DACH2: variants seen among roughly 807,000 people sequenced by gnomAD.
DACH2 encodes the protein dachshund homolog 2.
In DACH2, 17 loss-of-function variants were observed where a neutral mutation model predicts 35.8. That is an observed-to-expected ratio of 0.48 (90% confidence interval 0.33 to 0.71). The LOEUF (loss-of-function observed/expected upper bound fraction) is 0.71, where lower values mean the gene tolerates loss of function less well. Ranked by LOEUF, DACH2 falls within the 30% of genes least tolerant of loss-of-function variation. The probability of loss-of-function intolerance (pLI) is 0.02; values close to 1 mark genes in which losing one functional copy is unlikely to be tolerated. For synonymous variants in DACH2, 195 were observed against 177.3 expected, an observed-to-expected ratio of 1.10 and a Z score of -0.79; for missense variants, 469 against 472.7, an observed-to-expected ratio of 0.99 and a Z score of 0.07.
chrX:86,165,075 G>T (rs1351886639), intron 1 of DACH2, among the ~76,000 whole-genome samples: 1 of 111,172 alleles, frequency 9.0e-6, no homozygotes, highest in Non-Finnish European at 1.9e-5. Flanking sequence ...ATAAGCATGG[G>T]ATGTTTTTCC....
chrX:86,485,101 A>G (rs1184225560), intron 2 of DACH2, among the ~76,000 whole-genome samples: 1 of 111,737 alleles, frequency 8.9e-6, no homozygotes, highest in Non-Finnish European at 1.9e-5. Flanking sequence ...AGTTTTTCAA[A>G]CCTTATATAA....
chrX:86,803,059 C>T (rs1179044694), intron 7 of DACH2, among the ~76,000 whole-genome samples: 2 of 111,867 alleles, frequency 1.8e-5, no homozygotes, highest in Admixed American at 1.9e-4. Context: ...GCCTTTGGTG[C>T]TTTTTGTTTG....
chrX:86,813,044 G>C lies in DACH2; in HGVS notation c.1389+40G>C, dbSNP rs1361062363. ...TATAAACAAAATAAATGTAATACAA[G>C]ACATTAGCACCTACATATATTATTT... On this transcript the variant is annotated intron_variant, in intron 8 of 11. Coordinates refer to ENST00000373125, the MANE Select transcript of DACH2 (RefSeq NM_053281.3). The C allele has an allele frequency of 2.6e-6, 3 of 1,145,362 alleles. No individual in the cohort carries two copies. In the Admixed American group the frequency reaches 7.8e-5, roughly 30 times the overall value. The allele number at this position is 1,145,362 out of a possible 1,213,427, so 94.4% of individuals were successfully genotyped here.
rs757262590 is a variant in DACH2, at chrX:86,605,843, T to C, written c.641-45193T>C. Among the ~76,000 whole-genome samples the C allele has an allele frequency of 4.1e-4, 46 of 110,878 alleles. 1 individual carries two copies. The highest frequency in any genetic ancestry group is 3.3e-4 in the African/African-American group (10 of 30,612). ...TTCACTGTTTCTTGTTTGTATTGAG[T>C]CTGTTGATGTCACAGGCATTCATTT... On this transcript the variant is annotated intron_variant, in intron 3 of 11. Coordinates refer to ENST00000373125, the MANE Select transcript of DACH2 (RefSeq NM_053281.3).
chrX:86,254,780 AAAT>A (rs2033473114), intron 1 of DACH2, among the ~76,000 whole-genome samples: 1 of 42,245 alleles, frequency 2.4e-5, no homozygotes, highest in African/African-American at 1.1e-4. Context: ...TCAAATAAAT[AAAT>A]ATATATATAT....
intron 3 of DACH2, among the ~76,000 whole-genome samples, chrX:86,564,446 G>C (rs2039267981): frequency 9.7e-6 from 1 of 102,645 alleles, no homozygotes. Context: ...GTTTAATCTA[G>C]ACCTAATAAC....
chrX:86,287,164 G>C (rs2034169605), intron 1 of DACH2, among the ~76,000 whole-genome samples: 1 of 59,709 alleles, frequency 1.7e-5, no homozygotes, highest in Non-Finnish European at 2.9e-5. Context: ...GCTATTCTAG[G>C]GTAAATATAT....
intron 1 of DACH2, among the ~76,000 whole-genome samples, chrX:86,364,003 C>G (rs2035772966): frequency 9.0e-6 from 1 of 111,432 alleles, no homozygotes; most frequent in Non-Finnish European, 1.9e-5. Flanking sequence ...CTATTAAAAG[C>G]CTTTAAAGAA....
chrX:86,735,989 C>A (rs1445949680), intron 6 of DACH2, among the ~76,000 whole-genome samples: 2 of 111,365 alleles, frequency 1.8e-5, no homozygotes, highest in African/African-American at 6.5e-5. Context: ...TAGGCTGAGA[C>A]ACAACAGTAG....
chrX:86,747,220 C>A (rs915751855), intron 7 of DACH2, among the ~76,000 whole-genome samples: 4 of 111,403 alleles, frequency 3.6e-5, no homozygotes, highest in African/African-American at 1.3e-4. Context: ...GATAAGATAT[C>A]AACTGGAATT....
chrX:86,379,565 T>A (rs1293633039), intron 2 of DACH2, among the ~76,000 whole-genome samples: 2 of 110,969 alleles, frequency 1.8e-5, no homozygotes, highest in Non-Finnish European at 3.8e-5. Flanking sequence ...ATGGTCACAA[T>A]GATTTGTACC....
chrX:86,413,875 T>C (rs1342169574), intron 2 of DACH2, among the ~76,000 whole-genome samples: 1 of 111,264 alleles, frequency 9.0e-6, no homozygotes, highest in Non-Finnish European at 1.9e-5. Context: ...ACTTCATTAA[T>C]TATCTGACCT....
chrX:86,655,237 A>G (rs1031622996), intron 4 of DACH2, among the ~76,000 whole-genome samples: 1 of 111,963 alleles, frequency 8.9e-6, no homozygotes, highest in Non-Finnish European at 1.9e-5. Flanking sequence ...GGACAGCTAG[A>G]TCTTGGAGAA....
chrX:86,322,101 C>A (rs897246356), intron 1 of DACH2, among the ~76,000 whole-genome samples: 4 of 110,882 alleles, frequency 3.6e-5, no homozygotes, highest in African/African-American at 9.9e-5. Flanking sequence ...AGGGGAACTA[C>A]TCTCCACAGA....
At chrX:86,446,440 C>T (rs1317958906) in intron 2 of DACH2, among the ~76,000 whole-genome samples, 1 of 59,740 alleles carries the variant, frequency 1.7e-5, no homozygotes, top group African/African-American at 6.6e-5. Flanking sequence ...GCTATCCCTC[C>T]CCCCTCCCCC....
Position 86,148,466 on chromosome X carries a change from T to G in DACH2, c.-155T>G. On this transcript the variant is annotated 5_prime_UTR_variant, in exon 1 of 12. Transcript: ENST00000373125. ...GGGGCTGCTCACTGTTTGTTGAGCT[T>G]GAGCGTGAGCCGGCTGCTGAAGACT... 1.6e-6 allele frequency: 1 copy of G among 614,628 alleles called. No individual in the cohort carries two copies. Among genetic ancestry groups the G allele is most frequent in the South Asian group, 3.3e-5 (1 of 30,259 alleles). The allele number at this position is 614,628 out of a possible 1,213,427, so 50.7% of individuals were successfully genotyped here. A position where few individuals can be genotyped will look rare whatever the true frequency, so the allele number is the denominator to read the frequency against.
At chrX:86,825,381 C>T (rs2042553700) in intron 11 of DACH2, among the ~76,000 whole-genome samples, 1 of 109,428 alleles carries the variant, frequency 9.1e-6, no homozygotes, top group Non-Finnish European at 1.9e-5. Context: ...CACAACACTG[C>T]ACTCCAGCCT....
chrX:86,503,503 C>T (rs1348271923), intron 2 of DACH2, among the ~76,000 whole-genome samples: 1 of 111,881 alleles, frequency 8.9e-6, no homozygotes, highest in African/African-American at 3.2e-5. Flanking sequence ...AACATTGTCT[C>T]GTTGTTAGGT....
At chrX:86,376,989 T>G in intron 2 of DACH2, 127 bp downstream of exon 2, 1 of 314,434 alleles carries the variant, frequency 3.2e-6, no homozygotes, top group South Asian at 1.1e-4. Context: ...GTAGAGCCAT[T>G]TGAAATTTTC....
Sources: allele counts gnomAD v4.1 joint callset (sites outside exome capture counted in the v4.1 genomes callset), GRCh38; gene constraint gnomAD v4.1.1; transcripts MANE v1.5; gene names NCBI Gene and HGNC (gene_info 2026-07-23, HGNC 2026-07-21).